GSE1: variants seen among roughly 807,000 people sequenced by gnomAD.
GSE1 encodes the protein Gse1 coiled-coil protein.
GSE1 carries 32 observed loss-of-function variants against 112.6 expected under a neutral mutation model. The ratio of observed to expected loss-of-function variants is 0.28; its 90% CI spans 0.21 to 0.38. GSE1 has a LOEUF of 0.38. Ranked by LOEUF, GSE1 falls within the 10% of genes least tolerant of loss-of-function variation. The probability of loss-of-function intolerance (pLI) is 1.00; values close to 1 mark genes in which losing one functional copy is unlikely to be tolerated. For missense variants in GSE1, 2,348 were observed against 1,699.2 expected (o/e 1.38, Z -6.71); for synonymous variants, 1,115 against 735.6 (o/e 1.52, Z -8.35).
Position 85,672,506 on chromosome 16 carries a change from G to A in GSE1, c.3621G>A (p.Trp1207Ter). ...GCCTTGCCTTGCCTGCAATGCACTG[G>A]CCTAGGGGCTACCTGAAGGGATATC... ...RKCLALPAMH[W>*]PRGYLKGYPR The change falls in exon 16 of 16, where the codon TGG (tryptophan) becomes TGA (stop). Residue 1207 changes from tryptophan (W) to a stop codon, truncating the protein, a stop_gained. Coordinates refer to ENST00000253458, the MANE Select transcript of GSE1 (RefSeq NM_014615.5). LOFTEE classifies it high-confidence loss of function. The A allele has an allele frequency of 1.2e-6, 2 of 1,611,546 alleles. No homozygotes were observed. The highest frequency in any genetic ancestry group is 1.7e-6 in the Non-Finnish European group (2 of 1,177,868).
rs551156260 is a variant in GSE1 at position 85,341,999 on chromosome 16, A to G, written c.2284-15464A>G. 3.4e-4 allele frequency among the ~76,000 whole-genome samples: 52 copies of G among 152,046 alleles called. No homozygotes were observed. In the South Asian group the frequency reaches 0.01, roughly 30 times the overall value. On this transcript the variant is annotated intron_variant, in intron 1 of 2. Coordinates refer to the GSE1 transcript ENST00000637419. ...ATAGAGACCGGCAGGTGGTCTCTCTATCCCTGGGCTGCCTGCCGTCCCTCC... is the reference window on the plus strand; with the variant it reads ...ATAGAGACCGGCAGGTGGTCTCTCTGTCCCTGGGCTGCCTGCCGTCCCTCC...
At chr16:85,197,609 G>A (rs778804713) in intron 1 of GSE1, among the ~76,000 whole-genome samples, 4 of 152,176 alleles carry the variant, frequency 2.6e-5, no homozygotes, top group Non-Finnish European at 5.9e-5. Flanking sequence ...TCACAAGAGC[G>A]CTGGCCTCTC....
intron 1 of GSE1, among the ~76,000 whole-genome samples, chr16:85,245,766 T>TG (rs1375757105): frequency 1.1e-4 from 17 of 152,102 alleles, no homozygotes; most frequent in South Asian, 2.1e-4. Flanking sequence ...GGGCACCGCC[T>TG]GGGGGGTGCC....
At chr16:85,383,913 C>G (rs2047625209) in intron 2 of GSE1, among the ~76,000 whole-genome samples, 1 of 152,204 alleles carries the variant, frequency 6.6e-6, no homozygotes, top group Admixed American at 6.5e-5. Flanking sequence ...AGGATTGTGT[C>G]CTTGGCCCAG....
chr16:85,336,846 A>G (rs555006352), intron 1 of GSE1, among the ~76,000 whole-genome samples: 1 of 152,320 alleles, frequency 6.6e-6, no homozygotes, highest in Admixed American at 6.5e-5. Flanking sequence ...ATGCCAAAAT[A>G]CATGCATGAA....
At chr16:85,191,155 G>C (rs1223651306) in intron 1 of GSE1, among the ~76,000 whole-genome samples, 1 of 152,062 alleles carries the variant, frequency 6.6e-6, no homozygotes, top group African/African-American at 2.4e-5. Flanking sequence ...AGCTACTTGC[G>C]AGGCTGAGGC....
chr16:85,259,571 C>T (rs781124718), intron 1 of GSE1, among the ~76,000 whole-genome samples: 32 of 152,344 alleles, frequency 2.1e-4, no homozygotes, highest in South Asian at 4.1e-4. Context: ...ACAGAGCTGC[C>T]CAGGGCTAGT....
At chr16:85,246,359 A>C (rs1905749092) in intron 1 of GSE1, among the ~76,000 whole-genome samples, 1 of 131,208 alleles carries the variant, frequency 7.6e-6, no homozygotes, top group Admixed American at 7.4e-5. Context: ...ACACACACAC[A>C]CACACACACC....
At position 85,654,387 on chromosome 16, in the gene GSE1, C is replaced by T. The variant is rs749982285; in HGVS notation, c.536C>T (p.Thr179Ile). The change falls in exon 4 of 16, where the codon ACC becomes ATC. Residue 179 changes from threonine (T) to isoleucine (I), a missense_variant. Coordinates refer to ENST00000253458, the MANE Select transcript of GSE1 (RefSeq NM_014615.5). ...GCCATCCCCTCGCACCTGCTCAGCA[C>T]CCCCTACCCCTTCGGCCTCTCCCCC... ...GPAIPSHLLS[T>I]PYPFGLSPSS... The T allele has an allele frequency of 6.2e-7, 1 of 1,609,078 alleles. No homozygotes were observed.
At chr16:85,522,483 C>G (rs28472499) in intron 2 of GSE1, among the ~76,000 whole-genome samples, 2,208 of 152,058 alleles carry the variant, frequency 0.015, 66 homozygotes, top group African/African-American at 0.051. Context: ...ACCGACTCAC[C>G]CCCGCGTTTC....
Position 85,188,341 on chromosome 16 carries a change from A to G in GSE1, c.2283+16534A>G, listed in dbSNP as rs575045781. On this transcript the variant is annotated intron_variant, in intron 1 of 2. Transcript: ENST00000637419. ...TAGAGTGTGTGTCACAGGCTGTAGT[A>G]CATAGTATGTGCTCAATTAATGTTG... is the stretch of plus-strand genomic sequence containing the variant. 4.6e-5 allele frequency among the ~76,000 whole-genome samples: 7 copies of G among 152,342 alleles called. No homozygotes were observed. The East Asian group carries it at 1.2e-3, about 25-fold the overall frequency.
At chr16:85,396,428 G>A (rs755050338) in intron 2 of GSE1, among the ~76,000 whole-genome samples, 3 of 152,224 alleles carry the variant, frequency 2.0e-5, no homozygotes, top group Non-Finnish European at 2.9e-5. Flanking sequence ...CTGATTAGTT[G>A]TTTCCACACC....
Position 85,231,257 on chromosome 16 carries a change from G to A in GSE1, c.2283+59450G>A, listed in dbSNP as rs534398042. ...TGGATGGATAGCTGGACAGAGGGAT[G>A]GATGGATGGACAGATGAATGGATGG... is the stretch of plus-strand genomic sequence containing the variant. On this transcript the variant is annotated intron_variant, in intron 1 of 2. Coordinates refer to the GSE1 transcript ENST00000637419. Among the ~76,000 whole-genome samples the A allele has an allele frequency of 3.3e-5, 5 of 151,416 alleles. No individual in the cohort carries two copies. The South Asian group carries it at 1.0e-3, about 32-fold the overall frequency.
intron 1 of GSE1, among the ~76,000 whole-genome samples, chr16:85,347,630 G>C (rs17205415): frequency 0.28 from 41,261 of 144,878 alleles, 6,049 homozygotes; most frequent in Non-Finnish European, 0.35. Flanking sequence ...GTGCACCAAT[G>C]TTTCTGTCGC....
intron 2 of GSE1, among the ~76,000 whole-genome samples, chr16:85,491,626 C>A (rs1308416192): frequency 6.6e-6 from 1 of 152,040 alleles, no homozygotes. Flanking sequence ...CAGGCGGGGT[C>A]ATGGCCCGCC....
intron 3 of GSE1, among the ~76,000 whole-genome samples, chr16:85,650,825 T>G (rs1340611113): frequency 6.7e-6 from 1 of 149,084 alleles, no homozygotes; most frequent in Non-Finnish European, 1.5e-5. Context: ...TGGCCATGAG[T>G]CTCCGAGGCT....
intron 2 of GSE1, among the ~76,000 whole-genome samples, chr16:85,646,091 G>A (rs2050840235): frequency 1.7e-5 from 2 of 119,068 alleles, no homozygotes; most frequent in South Asian, 2.9e-4. Context: ...CTTCTACCAC[G>A]CTTCCTATGC....
intron 1 of GSE1, among the ~76,000 whole-genome samples, chr16:85,272,438 T>G (rs1908934232): frequency 1.4e-5 from 2 of 148,122 alleles, no homozygotes; most frequent in Non-Finnish European, 2.9e-5. Context: ...ACAGTTTCTA[T>G]TTTCCTGGAA....
intron 2 of GSE1, among the ~76,000 whole-genome samples, chr16:85,642,887 G>A (rs896547663): frequency 6.6e-6 from 1 of 152,154 alleles, no homozygotes; most frequent in Non-Finnish European, 1.5e-5. Context: ...CAGGGCCTGT[G>A]GCTTTGGGGC....
Sources: allele counts gnomAD v4.1 joint callset (sites outside exome capture counted in the v4.1 genomes callset), GRCh38; gene constraint gnomAD v4.1.1; transcripts MANE v1.5; gene names NCBI Gene and HGNC (gene_info 2026-07-23, HGNC 2026-07-21).